CSMD1: variants seen among roughly 807,000 people sequenced by gnomAD.
CSMD1 encodes the protein CUB and sushi domain-containing protein 1.
A neutral mutation model predicts 417.5 loss-of-function variants in CSMD1; 213 were observed. That is an observed-to-expected ratio of 0.51 (90% CI 0.46 to 0.57). CSMD1 has a LOEUF of 0.57. Among genes scored for constraint, CSMD1 ranks in the 20% least tolerant of loss-of-function variants. The probability of loss-of-function intolerance (pLI) is 0.00; values close to 1 mark genes in which losing one functional copy is unlikely to be tolerated. For missense variants in CSMD1, 6,923 were observed against 4,529.7 expected, an observed-to-expected ratio of 1.53 and a Z score of -15.17; for synonymous variants, 2,862 against 1,736.8, an observed-to-expected ratio of 1.65 and a Z score of -16.11.
chr8:3,306,271 C>T (rs939262148), intron 25 of CSMD1, among the ~76,000 whole-genome samples: 1 of 152,150 alleles, frequency 6.6e-6, no homozygotes, highest in African/African-American at 2.4e-5. Flanking sequence ...TATTTTTCAT[C>T]CTTCCACATC....
chr8:3,731,787 C>G (rs1253196587), intron 6 of CSMD1, among the ~76,000 whole-genome samples: 1 of 152,082 alleles, frequency 6.6e-6, no homozygotes, highest in Non-Finnish European at 1.5e-5. Context: ...GCATTAAGTG[C>G]TTATGTTTTG....
intron 5 of CSMD1, among the ~76,000 whole-genome samples, chr8:3,777,583 A>C (rs950813488): frequency 6.6e-6 from 1 of 152,220 alleles, no homozygotes; most frequent in Non-Finnish European, 1.5e-5. Flanking sequence ...ACAAGCTGCC[A>C]TACGGAAGCA....
In CSMD1 at chr8:3,982,576, C is replaced by G. The variant is rs527842706; in HGVS notation, c.818+15327G>C. Among the ~76,000 whole-genome samples the G allele has an allele frequency of 2.0e-5, 3 of 151,652 alleles. No homozygotes were observed. The South Asian group carries it at 6.2e-4, about 32-fold the overall frequency. The stretch of plus-strand genomic sequence containing the variant: ...TGTGCACTAGAATTATGCGCCTAGT[C>G]ATTTAGAATTTCACTACTATTATGA... On this transcript the variant is annotated intron_variant, in intron 5 of 69. Coordinates refer to ENST00000635120, the MANE Select transcript of CSMD1 (RefSeq NM_033225.6).
intron 25 of CSMD1, among the ~76,000 whole-genome samples, chr8:3,285,926 G>A (rs1803118957): frequency 6.6e-6 from 1 of 151,966 alleles, no homozygotes; most frequent in African/African-American, 2.4e-5. Flanking sequence ...TTGGTCTGCT[G>A]CACCCATTAA....
At chr8:4,335,965 A>G (rs181078744) in intron 3 of CSMD1, among the ~76,000 whole-genome samples, 19 of 152,256 alleles carry the variant, frequency 1.2e-4, no homozygotes, top group Admixed American at 2.6e-4. Context: ...GCTCTCACAG[A>G]TACATGAGAC....
At chr8:4,744,081 G>C (rs913061380) in intron 1 of CSMD1, among the ~76,000 whole-genome samples, 1 of 152,180 alleles carries the variant, frequency 6.6e-6, no homozygotes, top group Non-Finnish European at 1.5e-5. Context: ...ATTCAATTAA[G>C]GCAGGTATGA....
At chr8:3,878,091 G>A (rs547874340) in intron 5 of CSMD1, among the ~76,000 whole-genome samples, 2 of 151,994 alleles carry the variant, frequency 1.3e-5, no homozygotes, top group African/African-American at 4.8e-5. Flanking sequence ...TTTGCTATCA[G>A]CTTCTGCCTG....
chr8:4,676,375 C>A (rs1805681450), intron 1 of CSMD1, among the ~76,000 whole-genome samples: 1 of 152,154 alleles, frequency 6.6e-6, no homozygotes, highest in African/African-American at 2.4e-5. Flanking sequence ...CTAATATTAG[C>A]TATGTCCTTG....
rs191293756 is a variant in CSMD1 at position 4,447,228 on chromosome 8, T to C, written c.303-27163A>G. Among the ~76,000 whole-genome samples, 247 of 152,342 alleles carry C rather than the reference T, an allele frequency of 1.6e-3. 1 individual carries two copies. The highest frequency in any genetic ancestry group is 5.6e-3 in the African/African-American group (231 of 41,586). ...AAAACAAATATACATGACAAAGTTC[T>C]TGCCTGATGGATGCTTACGTTATAG... On this transcript the variant is annotated intron_variant, in intron 2 of 69. Coordinates refer to ENST00000635120, the MANE Select transcript of CSMD1 (RefSeq NM_033225.6).
intron 5 of CSMD1, among the ~76,000 whole-genome samples, chr8:3,848,850 G>A (rs748319504): frequency 6.6e-6 from 1 of 151,788 alleles, no homozygotes; most frequent in Non-Finnish European, 1.5e-5. Flanking sequence ...TGTTTATAAA[G>A]CACACATTTT....
At chr8:3,800,487 T>G (rs2099224432) in intron 5 of CSMD1, among the ~76,000 whole-genome samples, 1 of 152,126 alleles carries the variant, frequency 6.6e-6, no homozygotes, top group African/African-American at 2.4e-5. Flanking sequence ...CAAAAATGCA[T>G]TTGGATCCCT....
At chr8:4,146,115 C>G (rs960276213) in intron 3 of CSMD1, among the ~76,000 whole-genome samples, 1 of 150,748 alleles carries the variant, frequency 6.6e-6, no homozygotes, top group Non-Finnish European at 1.5e-5. Flanking sequence ...TAATGGCAGT[C>G]GGTGAGGAAT....
At chr8:2,957,672 G>T in intron 63 of CSMD1, 24 bp downstream of exon 63, 1 of 1,379,392 alleles carries the variant, frequency 7.2e-7, no homozygotes, top group African/African-American at 1.4e-5. Context: ...GACTTGTGAT[G>T]GGGGTGGAAG....
intron 51 of CSMD1, among the ~76,000 whole-genome samples, chr8:3,023,215 C>T (rs529611355): frequency 1.3e-5 from 2 of 152,164 alleles, no homozygotes; most frequent in African/African-American, 4.8e-5. Flanking sequence ...TCTTCAAAGA[C>T]CAGCCCGGAC....
chr8:3,241,597 C>T (rs1453944682), intron 26 of CSMD1, among the ~76,000 whole-genome samples: 3 of 152,224 alleles, frequency 2.0e-5, no homozygotes, highest in African/African-American at 7.2e-5. Context: ...TCAGTGGGGT[C>T]CTGCACAGAC....
intron 3 of CSMD1, among the ~76,000 whole-genome samples, chr8:4,247,595 G>A (rs1802790487): frequency 6.6e-6 from 1 of 152,108 alleles, no homozygotes; most frequent in Non-Finnish European, 1.5e-5. Context: ...AAATGGCCCT[G>A]CATTACATAA....
At chr8:3,053,702 G>C (rs1403253590) in intron 49 of CSMD1, among the ~76,000 whole-genome samples, 1 of 152,122 alleles carries the variant, frequency 6.6e-6, no homozygotes, top group African/African-American at 2.4e-5. Context: ...GTCTGATCCA[G>C]ATGTATCTAC....
At chr8:3,543,317 A>G (rs1251111970) in intron 10 of CSMD1, among the ~76,000 whole-genome samples, 5 of 152,190 alleles carry the variant, frequency 3.3e-5, no homozygotes, top group Non-Finnish European at 7.3e-5. Context: ...GTTTTTAGGG[A>G]GTGAGGTGAA....
intron 3 of CSMD1, among the ~76,000 whole-genome samples, chr8:4,086,702 G>C (rs942995705): frequency 6.6e-6 from 1 of 152,142 alleles, no homozygotes; most frequent in Non-Finnish European, 1.5e-5. Flanking sequence ...ACTTCTTCAG[G>C]TACCCAGGTA....
Sources: allele counts gnomAD v4.1 joint callset (sites outside exome capture counted in the v4.1 genomes callset), GRCh38; gene constraint gnomAD v4.1.1; transcripts MANE v1.5; gene names NCBI Gene and HGNC (gene_info 2026-07-23, HGNC 2026-07-21).